TRPV6: variants seen among roughly 807,000 people sequenced by gnomAD.
The protein encoded by TRPV6 is transient receptor potential cation channel subfamily V member 6.
In TRPV6, 39 loss-of-function variants were observed where a neutral mutation model predicts 79.0. The observed-to-expected ratio is 0.49, with a 90% CI of 0.38 to 0.64. The LOEUF (loss-of-function observed/expected upper bound fraction) is 0.64. Ranked by LOEUF, TRPV6 falls within the 30% of genes least tolerant of loss-of-function variation. The pLI, the probability that TRPV6 is intolerant of heterozygous loss-of-function variation, is 0.00. For missense variants in TRPV6, 813 were observed against 1,011.1 expected, an observed-to-expected ratio of 0.80 and a Z score of 2.66; for synonymous variants, 373 against 391.9, an observed-to-expected ratio of 0.95 and a Z score of 0.57.
At chr7:142,877,796 T>C (rs1795109492) in intron 2 of TRPV6, 23 bp from the exon 3 acceptor site, 3 of 1,613,728 alleles carry the variant, frequency 1.9e-6, no homozygotes, top group Admixed American at 1.7e-5. Context: ...GAGAGGTGGG[T>C]TATATGGCTT....
At chr7:142,877,838 C>T (rs1180833487) in intron 2 of TRPV6, 65 bp from the exon 3 acceptor site, 2 of 1,612,782 alleles carry the variant, frequency 1.2e-6, no homozygotes, top group Non-Finnish European at 1.7e-6. Context: ...ACGATAGATT[C>T]AGAGGCCAAC....
chr7:142,877,894 C>T (rs1299459446), intron 2 of TRPV6, 35 bp downstream of exon 2: 7 of 1,613,306 alleles, frequency 4.3e-6, no homozygotes, highest in African/African-American at 4.0e-5. Flanking sequence ...GTGTGGGGCT[C>T]ACCTAGGAGA....
chr7:142,883,644 T>A (rs1795237406), intron 1 of TRPV6: 1 of 152,268 alleles, frequency 6.6e-6, no homozygotes, highest in South Asian at 2.1e-4. Flanking sequence ...ATATTGTTCC[T>A]ATTTACTTAG....
At chr7:142,875,199 G>T (rs1563354597) in intron 8 of TRPV6, 35 bp from the exon 9 acceptor site, 1 of 1,609,088 alleles carries the variant, frequency 6.2e-7, no homozygotes. Flanking sequence ...AATGCTCAGG[G>T]CTTTCAGGCC....
At position 142,872,404 on chromosome 7, in the gene TRPV6, C is replaced by G. The variant is rs267601350; in HGVS notation, c.1983G>C (p.Arg661=). Residue 661 remains arginine (R), a synonymous_variant, in exon 14 of 15, where the codon CGG becomes CGC. Transcript: ENST00000359396. ...ACCAGCGGTCTCCCAGGCCATACTC[C>G]CGTCCGCAGATCCCGGAGCGAGGCC... 4 of 1,614,250 alleles carry G rather than the reference C, an allele frequency of 2.5e-6. No homozygotes were observed. The Admixed American group carries it at 6.7e-5, about 27-fold the overall frequency.
chr7:142,878,231 A>G (rs1200670791), intron 1 of TRPV6: 2 of 597,756 alleles, frequency 3.3e-6, no homozygotes, highest in African/African-American at 3.7e-5. Context: ...CCCATTTAGC[A>G]TGCGTTTTGA....
intron 1 of TRPV6, chr7:142,880,224 T>A (rs1386813942): frequency 6.6e-6 from 1 of 152,200 alleles, no homozygotes; most frequent in East Asian, 1.9e-4. Context: ...CACCACCACA[T>A]CAACCATTTG....
At position 142,885,566 on chromosome 7, in the gene TRPV6, A is replaced by G; in HGVS notation, c.71T>C (p.Val24Ala). 1 of 1,552,640 alleles carries G rather than the reference A, an allele frequency of 6.4e-7. No individual in the cohort carries two copies. The highest frequency in any genetic ancestry group is 8.7e-7 in the Non-Finnish European group (1 of 1,147,744). The change falls in exon 1 of 15, where the codon GTC becomes GCC. Residue 24 changes from valine (V) to alanine (A), a missense_variant. Transcript: ENST00000359396. ...GGCCTGAGGCCGAGGCCAGACCCTG[A>G]CGGGACTCAGCCTTGGGGCCACATC...
intron 1 of TRPV6, chr7:142,880,253 A>G (rs4636118): frequency 0.19 from 28,822 of 152,158 alleles, 5,535 homozygotes; most frequent in African/African-American, 0.5. Context: ...CCTCCTCTCT[A>G]GATACCCTAG....
chr7:142,875,244 A>ATG, intron 8 of TRPV6, 80 bp from the exon 9 acceptor site: 1 of 1,514,608 alleles, frequency 6.6e-7, no homozygotes, highest in Non-Finnish European at 9.1e-7. Context: ...CAGGGTCACC[A>ATG]GTCTTAGCAG....
intron 1 of TRPV6, chr7:142,880,734 G>C (rs1233465805): frequency 6.6e-6 from 1 of 152,216 alleles, no homozygotes; most frequent in African/African-American, 2.4e-5. Flanking sequence ...GTCAGACCCA[G>C]AGTTGCTAGA....
chr7:142,877,499 T>C (rs1379713925), intron 3 of TRPV6, 152 bp downstream of exon 3: 1 of 1,461,946 alleles, frequency 6.8e-7, no homozygotes, highest in Non-Finnish European at 9.2e-7. Context: ...TGATGGGCAG[T>C]CAGGACTGAC....
chr7:142,872,073 C>T, intron 14 of TRPV6, 84 bp from the exon 15 acceptor site: 1 of 1,492,620 alleles, frequency 6.7e-7, no homozygotes, highest in Non-Finnish European at 8.9e-7. Flanking sequence ...TCCCCTGGTC[C>T]TCCCATCCCC....
intron 1 of TRPV6, 174 bp from the exon 2 acceptor site, chr7:142,878,200 G>A: frequency 1.6e-6 from 1 of 611,572 alleles, no homozygotes; most frequent in South Asian, 2.0e-5. Flanking sequence ...TTTACAGTCA[G>A]TAAATACAAT....
rs4987651 is a variant in TRPV6, at chr7:142,877,819, G to A, written c.347-46C>T. The A allele has an allele frequency of 3.6e-4, 577 of 1,613,510 alleles. 1 individual carries two copies. In the African/African-American group the frequency reaches 6.0e-3, roughly 17 times the overall value. On this transcript the variant is annotated intron_variant, in intron 2 of 14. Transcript: ENST00000359396. ...GGTTATATGGCTTCTGTGGGACAGCGGATTGGAGACGATAGATTCAGAGGC... is the reference window on the plus strand; with the variant it reads ...GGTTATATGGCTTCTGTGGGACAGCAGATTGGAGACGATAGATTCAGAGGC...
chr7:142,883,282 T>C (rs758109234), intron 1 of TRPV6: 2 of 152,222 alleles, frequency 1.3e-5, no homozygotes, highest in African/African-American at 2.4e-5. Context: ...CAGAGCGGGC[T>C]GCGTGCTAAG....
Position 142,874,071 on chromosome 7 carries a change from AT to A in TRPV6, c.1639+4del. On this transcript the variant is annotated splice_donor_region_variant and intron_variant, in intron 12 of 14. Transcript: ENST00000359396. Reference sequence around the variant, plus strand: ...CATGGCCCCTGGTCCTGGACAGATGATTACCTGAAGCAAAGCCCAGGATGAC... The same window carrying A: ...CATGGCCCCTGGTCCTGGACAGATGATACCTGAAGCAAAGCCCAGGATGAC... The A allele has an allele frequency of 1.2e-6, 2 of 1,613,340 alleles. No individual in the cohort carries two copies. Among genetic ancestry groups the A allele is most frequent in the Non-Finnish European group, 1.7e-6 (2 of 1,179,688 alleles).
rs779703718 is a variant in TRPV6, at chr7:142,874,524, C to A, written c.1539G>T (p.Gln513His). The A allele has an allele frequency of 6.2e-6, 10 of 1,613,936 alleles. No homozygotes were observed. Among genetic ancestry groups the A allele is most frequent in the Non-Finnish European group, 8.5e-6 (10 of 1,180,038 alleles). The change falls in exon 11 of 15, where the codon CAG becomes CAT. Residue 513 changes from glutamine to histidine, a missense_variant. Physicochemically the swap from Gln to His is conservative, Grantham distance 24. This residue lies in a region of TRPV6 where 94 missense variants were observed against 194.0 expected (regional missense o/e 0.48). Coordinates refer to ENST00000359396, the MANE Select transcript of TRPV6 (RefSeq NM_018646.6). ...TCATGATGGTGAAGGGGCCTAGCATCTGGAATCCTCGGGCGAAGTACATGA... is the reference window on the plus strand; with the variant it reads ...TCATGATGGTGAAGGGGCCTAGCATATGGAATCCTCGGGCGAAGTACATGA...
At position 142,873,485 on chromosome 7, in the gene TRPV6, C is replaced by T. The variant is rs1298404087; in HGVS notation, c.1871G>A (p.Arg624Gln). The T allele has an allele frequency of 3.1e-6, 5 of 1,614,192 alleles. No individual in the cohort carries two copies. Among genetic ancestry groups the T allele is most frequent in the South Asian group, 1.1e-5 (1 of 91,088 alleles). ...CAGCTCATCCCGCTCATGGGCCACTCGCCAGTGAGTGTCGCCCATCATGGC... is the reference window on the plus strand; with the variant it reads ...CAGCTCATCCCGCTCATGGGCCACTTGCCAGTGAGTGTCGCCCATCATGGC... Residue 624 changes from arginine (R) to glutamine (Q), a missense_variant, in exon 13 of 15, where the codon CGA becomes CAA. Physicochemically the swap from Arg to Gln is conservative, Grantham distance 43. Around this residue, in one of 3 missense-constraint regions of TRPV6, gnomAD observed 94 missense variants for 194.0 expected, o/e 0.48. Coordinates refer to ENST00000359396, the MANE Select transcript of TRPV6 (RefSeq NM_018646.6). This position sits in a 1 kb window ranked among gnomAD's most constrained non-coding sequence, Gnocchi z 4.8.
Sources: allele counts gnomAD v4.1 joint callset, GRCh38; gene constraint gnomAD v4.1.1; regional missense constraint gnomAD v4.1.1; non-coding constraint Gnocchi (gnomAD v3.1); transcripts MANE v1.5; gene names NCBI Gene and HGNC (gene_info 2026-07-23, HGNC 2026-07-21).